RBFOX2: variants seen among roughly 807,000 people sequenced by gnomAD.
RBFOX2 encodes the protein RNA binding fox-1 homolog 2.
RBFOX2 carries 10 observed loss-of-function variants against 49.1 expected under a neutral mutation model. The observed-to-expected ratio is 0.20, with a 90% confidence interval of 0.13 to 0.35. RBFOX2 has a LOEUF of 0.35. RBFOX2 is among the 10% of genes least tolerant of loss of function. The pLI, the probability that RBFOX2 is intolerant of heterozygous loss-of-function variation, is 1.00. For missense variants in RBFOX2, 323 were observed against 486.9 expected, an observed-to-expected ratio of 0.66 and a Z score of 3.17; for synonymous variants, 183 against 187.4, an observed-to-expected ratio of 0.98 and a Z score of 0.19.
At chr22:35,817,034 G>A (rs1953245550) in intron 1 of RBFOX2, among the ~76,000 whole-genome samples, 2 of 152,156 alleles carry the variant, frequency 1.3e-5, no homozygotes, top group South Asian at 2.1e-4. Flanking sequence ...GGTACTTACT[G>A]GTGTAGATGG....
chr22:35,781,007 T>C (rs1432990617), intron 3 of RBFOX2, among the ~76,000 whole-genome samples: 2 of 152,060 alleles, frequency 1.3e-5, no homozygotes, highest in Non-Finnish European at 2.9e-5. Context: ...TGGACTTATA[T>C]GGAAGGTAAA....
At chr22:35,959,957 C>G (rs1234548117) in intron 1 of RBFOX2, among the ~76,000 whole-genome samples, 1 of 152,166 alleles carries the variant, frequency 6.6e-6, no homozygotes, top group East Asian at 1.9e-4. Flanking sequence ...ATACCTAATA[C>G]AGTGTAAATG....
chr22:35,770,325 AAATT>A (rs1942300920), intron 4 of RBFOX2, among the ~76,000 whole-genome samples: 1 of 152,194 alleles, frequency 6.6e-6, no homozygotes, highest in Non-Finnish European at 1.5e-5. Context: ...GACTTAGGTT[AAATT>A]AATACATTGT....
At position 35,935,825 on chromosome 22, in the gene RBFOX2, ATAAG is replaced by A. The variant is rs577076568; in HGVS notation, c.-34+3018_-34+3021del. On this transcript the variant is annotated intron_variant, in intron 1 of 13. Coordinates refer to the RBFOX2 transcript ENST00000359369. ...CTACTTACTTGAATTGTTGCCTTGG[ATAAG>A]TCACTTTACCTCTGTGTGCTTCAAT... 2.4e-3 allele frequency among the ~76,000 whole-genome samples: 367 copies of A among 152,280 alleles called. 1 individual carries two copies. Among genetic ancestry groups the A allele is most frequent in the African/African-American group, 8.3e-3 (347 of 41,558 alleles).
intron 1 of RBFOX2, among the ~76,000 whole-genome samples, chr22:35,830,374 C>T (rs1956549812): frequency 6.6e-6 from 1 of 152,200 alleles, no homozygotes; most frequent in Non-Finnish European, 1.5e-5. Flanking sequence ...TAGGTGAAGT[C>T]TAAGCTGAAC....
chr22:35,884,476 A>G (rs1381552664), intron 1 of RBFOX2, among the ~76,000 whole-genome samples: 1 of 152,148 alleles, frequency 6.6e-6, no homozygotes, highest in African/African-American at 2.4e-5. Context: ...AAGCTTGACT[A>G]TCAAGGATCC....
At chr22:35,795,899 C>T (rs1472718495) in intron 2 of RBFOX2, among the ~76,000 whole-genome samples, 1 of 152,180 alleles carries the variant, frequency 6.6e-6, no homozygotes, top group Non-Finnish European at 1.5e-5. Flanking sequence ...ATTATTGCTT[C>T]AGAAGAGAGC....
chr22:35,801,428 T>TACACACAC (rs10623033), intron 2 of RBFOX2, among the ~76,000 whole-genome samples: 1 of 143,516 alleles, frequency 7.0e-6, no homozygotes, highest in Non-Finnish European at 1.6e-5. Context: ...ATACAACACA[T>TACACACAC]ACACACACAC....
chr22:35,967,422 A>C (rs1459473419), intron 1 of RBFOX2, among the ~76,000 whole-genome samples: 1 of 152,036 alleles, frequency 6.6e-6, no homozygotes, highest in Non-Finnish European at 1.5e-5. Context: ...AAAAAAAAAA[A>C]AGGACAATGA....
At chr22:35,777,758 T>C (rs1944285216) in intron 4 of RBFOX2, 2 of 410,586 alleles carry the variant, frequency 4.9e-6, no homozygotes, top group Admixed American at 8.0e-5. Flanking sequence ...AGCACTGTCA[T>C]CTCCTACATC....
chr22:35,950,416 T>C (rs1054724764), intron 1 of RBFOX2, among the ~76,000 whole-genome samples: 3 of 152,126 alleles, frequency 2.0e-5, no homozygotes, highest in African/African-American at 7.2e-5. Context: ...CCATTGTGCT[T>C]GCCTAGCAGG....
exon 12 of RBFOX2, chr22:35,741,912 T>G (rs1351331816): frequency 6.6e-6 from 1 of 152,478 alleles, no homozygotes; most frequent in Non-Finnish European, 1.5e-5. Flanking sequence ...GAATTTGGCC[T>G]AGTCTCCACT....
chr22:35,911,847 T>C (rs956532876), intron 1 of RBFOX2, among the ~76,000 whole-genome samples: 1 of 152,164 alleles, frequency 6.6e-6, no homozygotes, highest in Non-Finnish European at 1.5e-5. Context: ...CTCCATACTC[T>C]GGATAAAATT....
intron 5 of RBFOX2, among the ~76,000 whole-genome samples, chr22:35,765,942 T>C (rs1940818930): frequency 6.6e-6 from 1 of 152,216 alleles, no homozygotes; most frequent in Non-Finnish European, 1.5e-5. Flanking sequence ...TAAATATGTC[T>C]GTCAGAGATT....
At chr22:36,006,267 C>T (rs932288497) in intron 1 of RBFOX2, among the ~76,000 whole-genome samples, 34 of 152,148 alleles carry the variant, frequency 2.2e-4, no homozygotes, top group African/African-American at 8.0e-4. Flanking sequence ...GTAGAAAGTG[C>T]TTCATGTAAA....
intron 1 of RBFOX2, among the ~76,000 whole-genome samples, chr22:35,916,282 A>ATGTT (rs1166392272): frequency 6.6e-5 from 10 of 152,092 alleles, no homozygotes; most frequent in Admixed American, 2.0e-4. Context: ...GGGTGTTTGC[A>ATGTT]TGTTTGTTTG....
chr22:35,915,769 A>G (rs2050341100), intron 1 of RBFOX2, among the ~76,000 whole-genome samples: 1 of 152,194 alleles, frequency 6.6e-6, no homozygotes, highest in Non-Finnish European at 1.5e-5. Flanking sequence ...ACGAGGAGTA[A>G]GCCATACCCT....
intron 4 of RBFOX2, among the ~76,000 whole-genome samples, chr22:35,772,568 G>C (rs372566302): frequency 6.6e-6 from 1 of 152,104 alleles, no homozygotes; most frequent in Admixed American, 6.6e-5. Context: ...GGGCAATGCA[G>C]GTCTCTACAC....
chr22:35,819,911 C>G (rs1259931959), intron 1 of RBFOX2, among the ~76,000 whole-genome samples: 1 of 152,138 alleles, frequency 6.6e-6, no homozygotes, highest in Non-Finnish European at 1.5e-5. Context: ...TTTTTAGAAA[C>G]TAAGGCAACA....
Sources: gnomAD v4.1 joint callset for allele counts (sites outside exome capture counted in the v4.1 genomes callset) on GRCh38, gnomAD v4.1.1 for gene constraint, MANE v1.5 for transcripts, NCBI Gene and HGNC (gene_info 2026-07-23, HGNC 2026-07-21) for gene names.